The following RYR2 variants were observed in gnomAD, a reference collection of about 807,000 sequenced individuals.
The protein encoded by RYR2 is ryanodine receptor 2.
A neutral mutation model predicts 601.1 loss-of-function variants in RYR2; 227 were observed. That is an observed-to-expected ratio of 0.38 (90% CI 0.34 to 0.42). RYR2 has a LOEUF of 0.42. Among genes scored for constraint, RYR2 ranks in the 10% least tolerant of loss-of-function variants. The pLI is 1.00. For synonymous variants in RYR2, 2,223 were observed against 2,175.1 expected (o/e 1.02, Z -0.61); for missense variants, 4,646 against 6,156.5 (o/e 0.75, Z 8.21).
chr1:237,048,175 G>T (rs1660824953), intron 1 of RYR2, among the ~76,000 whole-genome samples: 1 of 152,186 alleles, frequency 6.6e-6, no homozygotes, highest in Non-Finnish European at 1.5e-5. Flanking sequence ...GCTCCAGTGT[G>T]ATCCTAACCT....
chr1:237,358,122 G>A (rs1699459927), intron 4 of RYR2, among the ~76,000 whole-genome samples: 2 of 152,098 alleles, frequency 1.3e-5, no homozygotes, highest in African/African-American at 4.8e-5. Context: ...CCTCTGTGGG[G>A]CTGGTACTTC....
Position 237,770,689 on chromosome 1 carries a change from A to T in RYR2, c.11477-118A>T, listed in dbSNP as rs576864956. On this transcript the variant is annotated intron_variant, in intron 84 of 104. Transcript: ENST00000366574. ...GATAGAAAAGTGGCTATGACTTGTG[A>T]CTGTTTTTGGTTCAGAACAATGCTA... 7.6e-4 allele frequency: 453 copies of T among 598,620 alleles called. 1 individual carries two copies. Among genetic ancestry groups the T allele is most frequent in the Non-Finnish European group, 1.2e-3 (396 of 320,904 alleles). The allele number at this position is 598,620 out of a possible 1,614,324, so 37.1% of individuals were successfully genotyped here.
At chr1:237,309,592 G>A (rs568964100) in intron 2 of RYR2, among the ~76,000 whole-genome samples, 2 of 152,248 alleles carry the variant, frequency 1.3e-5, no homozygotes, top group South Asian at 2.1e-4. Context: ...CACAAGGGCC[G>A]CAGGCGGAGC....
rs763266012 is a variant in RYR2, at chr1:237,801,853, C to A, written c.14091-3C>A. 1.9e-6 allele frequency: 3 copies of A among 1,556,650 alleles called. No homozygotes were observed. Among genetic ancestry groups the A allele is most frequent in the Non-Finnish European group, 2.6e-6 (3 of 1,144,276 alleles). On this transcript the variant is annotated splice_polypyrimidine_tract_variant and splice_region_variant and intron_variant, in intron 97 of 104. Transcript: ENST00000366574. ...TACGCATTTTTTTTTTTTGTCATTG[C>A]AGACTGAACTCCATTGATGTGAAGT... is the stretch of plus-strand genomic sequence containing the variant.
chr1:237,591,547 C>G (rs1675202634), intron 31 of RYR2, among the ~76,000 whole-genome samples, 192 bp from the exon 32 acceptor site: 1 of 152,090 alleles, frequency 6.6e-6, no homozygotes, highest in South Asian at 2.1e-4. Context: ...CTGACCTCCA[C>G]CCACTAGATG....
chr1:237,479,809 A>C (rs1208034372), intron 17 of RYR2, among the ~76,000 whole-genome samples: 1 of 152,208 alleles, frequency 6.6e-6, no homozygotes, highest in Non-Finnish European at 1.5e-5. Flanking sequence ...TGTCATATGC[A>C]TTACTCCACT....
At chr1:237,323,798 G>A (rs1445129704) in intron 2 of RYR2, among the ~76,000 whole-genome samples, 2 of 152,208 alleles carry the variant, frequency 1.3e-5, no homozygotes, top group Non-Finnish European at 2.9e-5. Flanking sequence ...AATGCCAAGG[G>A]AATGACTTGA....
At chr1:237,450,314 G>T (rs569955567) in intron 14 of RYR2, among the ~76,000 whole-genome samples, 2 of 152,050 alleles carry the variant, frequency 1.3e-5, no homozygotes, top group Non-Finnish European at 1.5e-5. Context: ...TGGTCTCCTG[G>T]ATGCTCAGCA....
chr1:237,288,497 G>A (rs756955066), intron 2 of RYR2, among the ~76,000 whole-genome samples: 9 of 152,020 alleles, frequency 5.9e-5, no homozygotes, highest in Middle Eastern at 3.4e-3. Context: ...AGCTGCTCTC[G>A]GGGGTGGGGG....
rs1318588596 is a variant in RYR2, at chr1:237,782,249, C to T, written c.11962+603C>T. Among the ~76,000 whole-genome samples, 9 of 150,846 alleles carry T rather than the reference C, an allele frequency of 6.0e-5. No homozygotes were observed. The East Asian group carries it at 7.8e-4, about 13-fold the overall frequency. On this transcript the variant is annotated intron_variant, in intron 89 of 104. Coordinates refer to ENST00000366574, the MANE Select transcript of RYR2 (RefSeq NM_001035.3). ...TTAAGAGCTTGGGCTCCAAATCCACCGCCAGAGTTTAAATCCTGGCTTCCT... is the reference window on the plus strand; with the variant it reads ...TTAAGAGCTTGGGCTCCAAATCCACTGCCAGAGTTTAAATCCTGGCTTCCT...
At chr1:237,550,755 A>G (rs897929912) in intron 27 of RYR2, 64 bp downstream of exon 27, 10 of 1,468,628 alleles carry the variant, frequency 6.8e-6, no homozygotes, top group Admixed American at 2.4e-5. Context: ...TTAAAGCCAA[A>G]TAAATGAATA....
chr1:237,090,407 G>A (rs1558215058), intron 1 of RYR2, among the ~76,000 whole-genome samples: 5 of 152,092 alleles, frequency 3.3e-5, no homozygotes. Flanking sequence ...GGAGGCAGGG[G>A]GATCAGAGTC....
chr1:237,493,783 T>G (rs1437447173), intron 19 of RYR2, among the ~76,000 whole-genome samples: 1 of 152,200 alleles, frequency 6.6e-6, no homozygotes, highest in Non-Finnish European at 1.5e-5. Context: ...ACCTGCTATG[T>G]GCAATCAAAA....
At chr1:237,657,480 AT>A (rs1377569087) in intron 53 of RYR2, among the ~76,000 whole-genome samples, 1 of 152,082 alleles carries the variant, frequency 6.6e-6, no homozygotes, top group East Asian at 1.9e-4. Context: ...AAGATTAAAT[AT>A]TATCAAAAAG....
At chr1:237,827,797 T>C (rs1225323538) in intron 101 of RYR2, among the ~76,000 whole-genome samples, 2 of 151,208 alleles carry the variant, frequency 1.3e-5, no homozygotes, top group African/African-American at 2.4e-5. Flanking sequence ...ATTAGCCAGG[T>C]GTGGCAGTGT....
At chr1:237,763,758 A>G (rs1051295114) in intron 84 of RYR2, among the ~76,000 whole-genome samples, 6 of 152,222 alleles carry the variant, frequency 3.9e-5, no homozygotes, top group African/African-American at 1.4e-4. Flanking sequence ...AGGGCCACTC[A>G]TTAGCTCTAT....
intron 1 of RYR2, among the ~76,000 whole-genome samples, chr1:237,050,984 G>A: frequency 6.6e-6 from 1 of 152,188 alleles, no homozygotes; most frequent in Non-Finnish European, 1.5e-5. Flanking sequence ...GCACACATGT[G>A]TGCACAAATG....
intron 12 of RYR2, among the ~76,000 whole-genome samples, chr1:237,425,229 G>A (rs1434102653): frequency 3.3e-5 from 5 of 152,094 alleles, no homozygotes; most frequent in African/African-American, 4.8e-5. Context: ...GAATATCAAC[G>A]TTTTGATGAA....
chr1:237,338,558 T>G (rs12048201), intron 3 of RYR2, among the ~76,000 whole-genome samples: 20,794 of 152,226 alleles, frequency 0.14, 1,681 homozygotes, highest in East Asian at 0.34. Context: ...AAGCCATGAA[T>G]ACAAAATAGT....
Sources: gnomAD v4.1 joint callset for allele counts (sites outside exome capture counted in the v4.1 genomes callset) on GRCh38, gnomAD v4.1.1 for gene constraint, MANE v1.5 for transcripts, NCBI Gene and HGNC (gene_info 2026-07-23, HGNC 2026-07-21) for gene names.